KCNIP3: variants seen among roughly 807,000 people sequenced by gnomAD.
KCNIP3 encodes the protein calsenilin.
KCNIP3 carries 28 observed loss-of-function variants against 35.0 expected under a neutral mutation model. That is an observed-to-expected ratio of 0.80 (90% CI 0.59 to 1.10). The LOEUF (loss-of-function observed/expected upper bound fraction) is 1.10. Among genes scored for constraint, KCNIP3 ranks in the 50% least tolerant of loss-of-function variants. The probability of loss-of-function intolerance (pLI) is 0.00; values close to 1 mark genes in which losing one functional copy is unlikely to be tolerated. For missense variants in KCNIP3, 295 were observed against 338.4 expected, an observed-to-expected ratio of 0.87 and a Z score of 1.01; for synonymous variants, 134 against 133.8, an observed-to-expected ratio of 1.00 and a Z score of -0.01.
chr2:95,351,079 T>TTCA (rs1395895239), intron 2 of KCNIP3, among the ~76,000 whole-genome samples: 2 of 152,226 alleles, frequency 1.3e-5, no homozygotes, highest in Non-Finnish European at 2.9e-5. Context: ...TTCAGGCCCC[T>TTCA]GCCCCAAACC....
chr2:95,383,460 T>G (rs1573525799), intron 8 of KCNIP3, among the ~76,000 whole-genome samples, 166 bp downstream of exon 8: 1 of 151,804 alleles, frequency 6.6e-6, no homozygotes, highest in African/African-American at 2.4e-5. Flanking sequence ...CAAGCTCCAC[T>G]TGCCCTCTTG....
chr2:95,301,879 C>T (rs562923689), intron 1 of KCNIP3, among the ~76,000 whole-genome samples: 11 of 152,106 alleles, frequency 7.2e-5, no homozygotes, highest in Non-Finnish European at 1.3e-4. Context: ...TGTGTGTGCG[C>T]GCTCATAGGT....
chr2:95,310,053 G>C (rs1216172425), intron 1 of KCNIP3, among the ~76,000 whole-genome samples: 1 of 152,254 alleles, frequency 6.6e-6, no homozygotes, highest in Non-Finnish European at 1.5e-5. Context: ...CCTGGCCTGT[G>C]CCAAGGTGGA....
At chr2:95,372,331 G>A (rs751757202) in intron 2 of KCNIP3, among the ~76,000 whole-genome samples, 2 of 152,154 alleles carry the variant, frequency 1.3e-5, no homozygotes, top group Non-Finnish European at 2.9e-5. Flanking sequence ...CCCCTGAGTT[G>A]CCTCCAACTC....
At chr2:95,369,936 T>G (rs1294510293) in intron 2 of KCNIP3, among the ~76,000 whole-genome samples, 2 of 152,228 alleles carry the variant, frequency 1.3e-5, no homozygotes, top group East Asian at 3.8e-4. Flanking sequence ...AGTGAATTTT[T>G]AATTTTAGGT....
intron 2 of KCNIP3, chr2:95,347,074 A>C (rs1339041658): frequency 1.2e-6 from 2 of 1,611,918 alleles, no homozygotes; most frequent in African/African-American, 1.3e-5. Flanking sequence ...GCTGCTGTTC[A>C]TCGCCGTCCT....
chr2:95,345,673 C>T (rs551403642), intron 2 of KCNIP3, among the ~76,000 whole-genome samples: 1 of 152,246 alleles, frequency 6.6e-6, no homozygotes, highest in Non-Finnish European at 1.5e-5. Context: ...TGAGTCCGTC[C>T]GGCGGGGATG....
At chr2:95,299,953 G>A (rs1247842187) in intron 1 of KCNIP3, among the ~76,000 whole-genome samples, 3 of 152,190 alleles carry the variant, frequency 2.0e-5, no homozygotes, top group Non-Finnish European at 4.4e-5. Flanking sequence ...GCAGCTGTTG[G>A]TATCATCCCC....
intron 2 of KCNIP3, among the ~76,000 whole-genome samples, chr2:95,330,546 G>A (rs1180285376): frequency 1.3e-5 from 2 of 152,190 alleles, no homozygotes; most frequent in South Asian, 2.1e-4. Context: ...TCACCCGTCC[G>A]TACCCCCCAG....
chr2:95,374,754 C>T (rs1368015624), intron 3 of KCNIP3, 94 bp from the exon 4 acceptor site: 6 of 1,437,858 alleles, frequency 4.2e-6, no homozygotes, highest in Non-Finnish European at 5.8e-6. Flanking sequence ...CAGGCAGCCC[C>T]CAAGGGGGTG....
intron 5 of KCNIP3, among the ~76,000 whole-genome samples, chr2:95,380,802 G>C (rs1366146688): frequency 2.0e-5 from 3 of 152,130 alleles, no homozygotes; most frequent in East Asian, 1.9e-4. Context: ...ATTACTTGGG[G>C]CCAGGAGTTG....
intron 2 of KCNIP3, chr2:95,368,435 C>T: frequency 6.0e-6 from 1 of 167,078 alleles, no homozygotes; most frequent in Non-Finnish European, 1.3e-5. Flanking sequence ...GCATATACTG[C>T]CGGGGTGATG....
At chr2:95,355,979 C>A (rs542094095) in intron 2 of KCNIP3, among the ~76,000 whole-genome samples, 15 of 152,270 alleles carry the variant, frequency 9.9e-5, no homozygotes, top group African/African-American at 3.6e-4. Flanking sequence ...AAAGGCGTTC[C>A]TATTTCTCCA....
At chr2:95,306,670 G>T (rs1309735350) in intron 1 of KCNIP3, among the ~76,000 whole-genome samples, 3 of 152,182 alleles carry the variant, frequency 2.0e-5, no homozygotes, top group Admixed American at 2.0e-4. Flanking sequence ...ACTTGGAGGG[G>T]CACGGTGGGG....
At position 95,383,314 on chromosome 2, in the gene KCNIP3, G is replaced by A; in HGVS notation, c.723+20G>A. On this transcript the variant is annotated intron_variant, in intron 8 of 8. Transcript: ENST00000295225. ...CAGAAGGTAGGTGGCACGGGAGGCT[G>A]GGCCACAGTTCTCTGCAGGCTCTAC... 6.2e-7 allele frequency: 1 copy of A among 1,611,774 alleles called. No homozygotes were observed. The highest frequency in any genetic ancestry group is 2.2e-5 in the East Asian group (1 of 44,814).
intron 8 of KCNIP3, 86 bp downstream of exon 8, chr2:95,383,380 C>T: frequency 7.0e-6 from 9 of 1,292,060 alleles, no homozygotes; most frequent in Non-Finnish European, 8.8e-6. Flanking sequence ...CTTCCCTCAC[C>T]CCAGTCCCAC....
Position 95,382,535 on chromosome 2 carries a change from C to T in KCNIP3, c.660+54C>T, listed in dbSNP as rs1680376414. 9 of 1,392,620 alleles carry T rather than the reference C, an allele frequency of 6.5e-6. No individual in the cohort carries two copies. Among genetic ancestry groups the T allele is most frequent in the Non-Finnish European group, 8.9e-6 (9 of 1,012,934 alleles). 86.3% of individuals were successfully genotyped at this position (1,392,620 alleles called of 1,614,324 possible). Reference sequence around the variant, plus strand: ...GGGGAGCCTGGCAGAGGAAGGGGCTCTCGCTTTTGGGGCCACCCCGGGCAA... The same window carrying T: ...GGGGAGCCTGGCAGAGGAAGGGGCTTTCGCTTTTGGGGCCACCCCGGGCAA... On this transcript the variant is annotated intron_variant, in intron 7 of 8. Coordinates refer to ENST00000295225, the MANE Select transcript of KCNIP3 (RefSeq NM_013434.5). This position sits in a 1 kb window ranked among gnomAD's most constrained non-coding sequence, Gnocchi z 4.5.
At chr2:95,343,819 G>A (rs1350617052) in intron 2 of KCNIP3, among the ~76,000 whole-genome samples, 1 of 152,184 alleles carries the variant, frequency 6.6e-6, no homozygotes, top group Non-Finnish European at 1.5e-5. Flanking sequence ...AGAACTGGAT[G>A]GCAGCTTCAA....
intron 2 of KCNIP3, among the ~76,000 whole-genome samples, chr2:95,316,110 A>C (rs1678454159): frequency 6.6e-6 from 1 of 152,192 alleles, no homozygotes; most frequent in Non-Finnish European, 1.5e-5. Flanking sequence ...GCATTGCTCA[A>C]AACCCAAGAG....
Sources: gnomAD v4.1 joint callset for allele counts (sites outside exome capture counted in the v4.1 genomes callset) on GRCh38, gnomAD v4.1.1 for gene constraint, Gnocchi (gnomAD v3.1) non-coding constraint, MANE v1.5 for transcripts, NCBI Gene and HGNC (gene_info 2026-07-23, HGNC 2026-07-21) for gene names.